Variants in TESPA1 observed in about 807,000 individuals in gnomAD.
TESPA1 encodes thymocyte expressed, positive selection associated 1.
A neutral mutation model predicts 57.9 loss-of-function variants in TESPA1; 33 were observed. The ratio of observed to expected loss-of-function variants is 0.57; its 90% CI spans 0.43 to 0.76. The LOEUF (loss-of-function observed/expected upper bound fraction) is 0.76, where lower values mean the gene tolerates loss of function less well. TESPA1 is among the 30% of genes least tolerant of loss of function. The pLI, the probability that TESPA1 is intolerant of heterozygous loss-of-function variation, is 0.00. For missense variants in TESPA1, 618 were observed against 632.9 expected (o/e 0.98, Z 0.25); for synonymous variants, 227 against 228.9 (o/e 0.99, Z 0.07).
chr12:54,965,973 A>C, intron 7 of TESPA1, 80 bp downstream of exon 7: 1 of 1,346,200 alleles, frequency 7.4e-7, no homozygotes, highest in Non-Finnish European at 1.0e-6. Flanking sequence ...CCCAGAAAAA[A>C]CAGGCAATGG....
At chr12:54,960,072 AATTAG>A (rs1300365740) in intron 10 of TESPA1, among the ~76,000 whole-genome samples, 4 of 152,200 alleles carry the variant, frequency 2.6e-5, no homozygotes, top group African/African-American at 7.2e-5. Context: ...CTAAGAAAAC[AATTAG>A]ACTAGAAAAT....
chr12:54,950,118 A>C lies in TESPA1; in HGVS notation c.*274T>G, dbSNP rs1193622575. 1 of 356,392 alleles carries C rather than the reference A, an allele frequency of 2.8e-6. No homozygotes were observed. The highest frequency in any genetic ancestry group is 5.5e-6 in the Non-Finnish European group (1 of 180,750). The allele number at this position is 356,392 out of a possible 1,614,324, so 22.1% of individuals were successfully genotyped here. A position where few individuals can be genotyped will look rare whatever the true frequency, so the allele number is the denominator to read the frequency against. ...ATATATTTTAATACACACATAGTAG[A>C]GAAACCAGTGTACAGAGAAATGAAG... is the stretch of plus-strand genomic sequence containing the variant. On this transcript the variant is annotated 3_prime_UTR_variant, in exon 11 of 11. Coordinates refer to ENST00000449076, the MANE Select transcript of TESPA1 (RefSeq NM_001136030.3).
chr12:54,964,761 T>C (rs1163640151), intron 7 of TESPA1, among the ~76,000 whole-genome samples: 1 of 152,252 alleles, frequency 6.6e-6, no homozygotes, highest in Non-Finnish European at 1.5e-5. Flanking sequence ...GATCTACTCT[T>C]GTCCTTGCCA....
chr12:54,951,033 T>A (rs1270128572), intron 10 of TESPA1, among the ~76,000 whole-genome samples: 1 of 152,156 alleles, frequency 6.6e-6, no homozygotes, highest in Non-Finnish European at 1.5e-5. Flanking sequence ...TTGAATCTCA[T>A]CTCATCCCAG....
Position 54,973,534 on chromosome 12 carries a change from C to T in TESPA1, c.164-15G>A, listed in dbSNP as rs1393950901. 3 of 1,614,026 alleles carry T rather than the reference C, an allele frequency of 1.9e-6. No homozygotes were observed. Among genetic ancestry groups the T allele is most frequent in the African/African-American group, 1.3e-5 (1 of 75,062 alleles). ...GATTGGATTCCCTAGAAAAGTCAGA[C>T]ACTAGATCACTGTGAGAACTGAACG... On this transcript the variant is annotated splice_polypyrimidine_tract_variant and intron_variant, in intron 2 of 10. Transcript: ENST00000449076.
intron 3 of TESPA1, among the ~76,000 whole-genome samples, chr12:54,970,567 A>G (rs1951768759): frequency 6.6e-6 from 1 of 152,166 alleles, no homozygotes; most frequent in Non-Finnish European, 1.5e-5. Flanking sequence ...GCCTGGAGCT[A>G]TTGATGCTTT....
At position 54,966,070 on chromosome 12, in the gene TESPA1, G is replaced by T. The variant is rs61733028; in HGVS notation, c.429C>A (p.Thr143=). The change falls in exon 7 of 11, where the codon ACC becomes ACA. Residue 143 remains threonine, a synonymous_variant. Coordinates refer to ENST00000449076, the MANE Select transcript of TESPA1 (RefSeq NM_001136030.3). ...GTACCTACCTTGAACTAGTCTTGTT[G>T]GTCCCCCCAGTCATGCTGCTGGAAG... ...SLASSSMTGG[T]NKTSSSISEI... 9,542 of 1,575,124 alleles carry T rather than the reference G, an allele frequency of 6.1e-3. 524 individuals carry two copies. In the African/African-American group the frequency reaches 0.11, roughly 19 times the overall value.
intron 3 of TESPA1, among the ~76,000 whole-genome samples, chr12:54,969,914 A>G (rs1951721477): frequency 6.6e-6 from 1 of 152,036 alleles, no homozygotes; most frequent in South Asian, 2.1e-4. Context: ...TCATTGAGCT[A>G]TTTATGTATT....
rs552789493 is a variant in TESPA1, at chr12:54,961,117, G to A, written c.*1+51C>T. 17 of 1,586,412 alleles carry A rather than the reference G, an allele frequency of 1.1e-5. 1 individual carries two copies. The South Asian group carries it at 1.9e-4, about 18-fold the overall frequency. On this transcript the variant is annotated intron_variant, in intron 10 of 10. Coordinates refer to ENST00000449076, the MANE Select transcript of TESPA1 (RefSeq NM_001136030.3). The stretch of plus-strand genomic sequence containing the variant: ...TAAAAAAAAAAAACCTTCCTCATTT[G>A]ATTACAATGTGCAGCCAGGTTTGAG...
At chr12:54,969,146 T>A (rs1347655508) in intron 3 of TESPA1, among the ~76,000 whole-genome samples, 1 of 150,604 alleles carries the variant, frequency 6.6e-6, no homozygotes, top group Non-Finnish European at 1.5e-5. Flanking sequence ...AATTTTAATA[T>A]GTCCTTATGA....
intron 1 of TESPA1, among the ~76,000 whole-genome samples, chr12:54,976,669 T>C (rs1349006178): frequency 1.3e-5 from 2 of 152,156 alleles, no homozygotes; most frequent in Non-Finnish European, 2.9e-5. Flanking sequence ...AGTGAAAACA[T>C]TATAGCCCTA....
At chr12:54,959,712 A>T (rs1032808306) in intron 10 of TESPA1, among the ~76,000 whole-genome samples, 1 of 152,132 alleles carries the variant, frequency 6.6e-6, no homozygotes, top group African/African-American at 2.4e-5. Context: ...TTGCCCTGTG[A>T]CCCACTTCTC....
chr12:54,962,746 C>T lies in TESPA1; in HGVS notation c.1152G>A (p.Ser384=), dbSNP rs142793082. 3.6e-3 allele frequency: 5,812 copies of T among 1,613,822 alleles called. 44 individuals carry two copies. Among genetic ancestry groups the T allele is most frequent in the East Asian group, 0.03 (1,362 of 44,864 alleles). The change falls in exon 9 of 11, where the codon TCG becomes TCA. Residue 384 remains serine, a synonymous_variant. Coordinates refer to ENST00000449076, the MANE Select transcript of TESPA1 (RefSeq NM_001136030.3). ...GTGTGCAACAGGGTACCTTGGGGTTCGAATCCAGAGTTTGGGATGGTGCTA... is the reference window on the plus strand; with the variant it reads ...GTGTGCAACAGGGTACCTTGGGGTTTGAATCCAGAGTTTGGGATGGTGCTA... ...TVLAPSQTLD[S]NPKVPCCTHS...
rs929603351 is a variant in TESPA1, at chr12:54,948,633, C to T, written c.*1759G>A. ...GCTTTCCACCATGAGTTAAAGCTCC[C>T]TGAGGCCTCCCCAGAAACTGATGTT... On this transcript the variant is annotated 3_prime_UTR_variant, in exon 11 of 11. Coordinates refer to ENST00000449076, the MANE Select transcript of TESPA1 (RefSeq NM_001136030.3). 1.3e-5 allele frequency: 2 copies of T among 152,374 alleles called. No individual in the cohort carries two copies. The highest frequency in any genetic ancestry group is 4.8e-5 in the African/African-American group (2 of 41,454). The allele number at this position is 152,374 out of a possible 1,614,324, so 9.4% of individuals were successfully genotyped here.
In TESPA1 at chr12:54,966,533, A is replaced by G. The variant is rs1951445324; in HGVS notation, c.311-109T>C. ...GTCCCCTCTGTTTCTTTTTGTGACT[A>G]TGACAGGCTAGCTGGACCCCATAAA... is the stretch of plus-strand genomic sequence containing the variant. On this transcript the variant is annotated intron_variant, in intron 5 of 10. Transcript: ENST00000449076. The G allele has an allele frequency of 1.3e-5, 17 of 1,296,510 alleles. No individual in the cohort carries two copies. In the South Asian group the frequency reaches 1.4e-4, roughly 11 times the overall value. The allele number at this position is 1,296,510 out of a possible 1,614,324, so 80.3% of individuals were successfully genotyped here. A position where few individuals can be genotyped will look rare whatever the true frequency, so the allele number is the denominator to read the frequency against.
rs1376433012 is a variant in TESPA1 at position 54,981,860 on chromosome 12, G to A, written c.-46+2725C>T. 3 of 152,286 alleles carry A rather than the reference G, an allele frequency of 2.0e-5. No homozygotes were observed. The East Asian group carries it at 5.8e-4, about 29-fold the overall frequency. 9.4% of individuals were successfully genotyped at this position (152,286 alleles called of 1,614,324 possible). On this transcript the variant is annotated intron_variant, in intron 1 of 10. Coordinates refer to ENST00000449076, the MANE Select transcript of TESPA1 (RefSeq NM_001136030.3). ...ACTTGGTTTCCAAGGCCCAGTCCCAGGTTTGCCTTTAGTGCTCTAGGGGAC... is the reference window on the plus strand; with the variant it reads ...ACTTGGTTTCCAAGGCCCAGTCCCAAGTTTGCCTTTAGTGCTCTAGGGGAC...
intron 4 of TESPA1, 140 bp from the exon 5 acceptor site, chr12:54,967,376 C>G: frequency 2.2e-6 from 2 of 921,382 alleles, no homozygotes; most frequent in Non-Finnish European, 3.3e-6. Context: ...TAGATACCCA[C>G]GTTTGTCAAA....
In TESPA1 at chr12:54,968,012, T is replaced by C. The variant is rs1177665654; in HGVS notation, c.207-120A>G. On this transcript the variant is annotated intron_variant, in intron 3 of 10. Coordinates refer to ENST00000449076, the MANE Select transcript of TESPA1 (RefSeq NM_001136030.3). Reference sequence around the variant, plus strand: ...CAGTGAGAGTCAGTAGTATTTAATTTGCTTTTATGTTGGAGAAAACAAAGA... The same window carrying C: ...CAGTGAGAGTCAGTAGTATTTAATTCGCTTTTATGTTGGAGAAAACAAAGA... The C allele has an allele frequency of 2.6e-6, 4 of 1,544,408 alleles. No homozygotes were observed. In the East Asian group the frequency reaches 7.2e-5, roughly 28 times the overall value.
chr12:54,973,298 A>G (rs893227556), intron 3 of TESPA1, among the ~76,000 whole-genome samples, 179 bp downstream of exon 3: 8 of 152,108 alleles, frequency 5.3e-5, no homozygotes, highest in African/African-American at 1.7e-4. Flanking sequence ...TTGATTCACA[A>G]TTGTGATCAC....
Sources: allele counts gnomAD v4.1 joint callset (sites outside exome capture counted in the v4.1 genomes callset), GRCh38; gene constraint gnomAD v4.1.1; transcripts MANE v1.5; gene names NCBI Gene and HGNC (gene_info 2026-07-23, HGNC 2026-07-21).